Variants in NUMA1 observed in about 807,000 individuals in gnomAD.
The protein encoded by NUMA1 is nuclear mitotic apparatus protein 1, also known as SP-H antigen.
A neutral mutation model predicts 237.1 loss-of-function variants in NUMA1; 62 were observed. The observed-to-expected ratio is 0.26, with a 90% confidence interval of 0.21 to 0.32. The LOEUF is 0.32. Among genes scored for constraint, NUMA1 ranks in the 10% least tolerant of loss-of-function variants. The pLI, the probability that NUMA1 is intolerant of heterozygous loss-of-function variation, is 1.00. For missense variants in NUMA1, 2,533 were observed against 2,666.5 expected (o/e 0.95, Z 1.10); for synonymous variants, 1,028 against 1,066.1 (o/e 0.96, Z 0.70).
chr11:72,061,610 A>T (rs1187040439), intron 2 of NUMA1, among the ~76,000 whole-genome samples: 1 of 145,934 alleles, frequency 6.9e-6, no homozygotes, highest in Admixed American at 7.0e-5. Context: ...CCTTCCTCAG[A>T]CTCCTGAGTA....
At chr11:72,007,547 C>T (rs1470907815) in intron 20 of NUMA1, 112 bp from the exon 21 acceptor site, 3 of 1,318,092 alleles carry the variant, frequency 2.3e-6, no homozygotes, top group Non-Finnish European at 3.1e-6. Flanking sequence ...TGAGGTCAAG[C>T]AGCCCATCTC....
chr11:72,019,754 G>C (rs1304428285), intron 8 of NUMA1, 137 bp from the exon 9 acceptor site: 2 of 940,924 alleles, frequency 2.1e-6, no homozygotes, highest in Non-Finnish European at 3.0e-6. Context: ...ACCAAGGAAG[G>C]CACTGGGCAG....
rs750892814 is a variant in NUMA1 at position 72,018,932 on chromosome 11, G to C, written c.633C>G (p.Thr211=). Residue 211 remains threonine (T), a synonymous_variant, in exon 10 of 27, where the codon ACC becomes ACG. Coordinates refer to ENST00000393695, the MANE Select transcript of NUMA1 (RefSeq NM_006185.4). ...PASPMGDILQ[T]PQFQMRRLKK... ...TCAGCCGTCTCATCTGGAACTGTGG[G>C]GTCTGCAGGATATCACCCATGGGAG... 6.2e-7 allele frequency: 1 copy of C among 1,613,914 alleles called. No individual in the cohort carries two copies. Among genetic ancestry groups the C allele is most frequent in the Admixed American group, 1.7e-5 (1 of 59,990 alleles).
At position 72,007,425 on chromosome 11, in the gene NUMA1, G is replaced by T; in HGVS notation, c.5227C>A (p.Arg1743Ser). ...TPLSITSKLP[R>S]TQPDGTSVPG... ...ACGCTGGTGCCGTCTGGCTGGGTAC[G>T]AGGCAGCTTGCTATGGAAAGGAAAC... is the stretch of plus-strand genomic sequence containing the variant. The change falls in exon 21 of 27, where the codon CGT becomes AGT. Residue 1743 changes from arginine to serine, a missense_variant. Physicochemically the swap from Arg to Ser is moderately radical, Grantham distance 110. This residue lies in a region of NUMA1 where 795 missense variants were observed against 750.8 expected (regional missense o/e 1.06). Coordinates refer to ENST00000393695, the MANE Select transcript of NUMA1 (RefSeq NM_006185.4). 6.2e-7 allele frequency: 1 copy of T among 1,613,454 alleles called. No individual in the cohort carries two copies. The highest frequency in any genetic ancestry group is 1.1e-5 in the South Asian group (1 of 91,056).
In NUMA1 at chr11:72,013,725, C is replaced by G. The variant is rs1244874487; in HGVS notation, c.3778G>C (p.Glu1260Gln). 1 of 1,609,816 alleles carries G rather than the reference C, an allele frequency of 6.2e-7. No homozygotes were observed. Among genetic ancestry groups the G allele is most frequent in the South Asian group, 1.1e-5 (1 of 91,084 alleles). ...ELKRLVMAES[E>Q]KSQKLEERLR... ...CTCTCCTCCAGCTTCTGGCTCTTCT[C>G]TGACTCGGCCATCACCAGCCGCTTC... The change falls in exon 15 of 27, where the codon GAG becomes CAG. Residue 1260 changes from glutamate (E) to glutamine (Q), a missense_variant. Coordinates refer to ENST00000393695, the MANE Select transcript of NUMA1 (RefSeq NM_006185.4). The surrounding 1 kb of genome is among the most constrained non-coding windows in gnomAD (Gnocchi z 6.8).
chr11:72,031,315 A>G (rs568223985), intron 3 of NUMA1, among the ~76,000 whole-genome samples: 4 of 152,230 alleles, frequency 2.6e-5, no homozygotes, highest in South Asian at 4.1e-4. Flanking sequence ...AAGAAAAAAG[A>G]AAAACTAATA....
At chr11:72,011,178 C>T (rs956685379) in intron 16 of NUMA1, among the ~76,000 whole-genome samples, 1 of 152,306 alleles carries the variant, frequency 6.6e-6, no homozygotes, top group South Asian at 2.1e-4. Flanking sequence ...ACCTCACCAC[C>T]ACCTTGCTGC....
At chr11:72,057,738 C>G (rs1942735312) in intron 2 of NUMA1, among the ~76,000 whole-genome samples, 1 of 139,876 alleles carries the variant, frequency 7.1e-6, no homozygotes, top group South Asian at 2.3e-4. Context: ...AGCGAGACAC[C>G]GTCTCAAAAA....
intron 5 of NUMA1, 97 bp from the exon 6 acceptor site, chr11:72,023,244 T>C: frequency 1.1e-6 from 1 of 876,188 alleles, no homozygotes; most frequent in Non-Finnish European, 1.9e-6. Flanking sequence ...TGGCTATCTC[T>C]GGTGGGGCTA....
intron 20 of NUMA1, chr11:72,007,804 C>T (rs1393404787): frequency 8.2e-6 from 3 of 365,868 alleles, no homozygotes; most frequent in African/African-American, 2.1e-5. Flanking sequence ...AAGCCATGAA[C>T]GTGGGCATAA....
chr11:72,013,880 T>C lies in NUMA1; in HGVS notation c.3623A>G (p.Glu1208Gly). ...KVQDHSKAED[E>G]WKAQVARGRQ... is the part of the protein sequence containing the mutation. ...GCCCCGGGCCACCTGGGCCTTCCAC[T>C]CATCTTCAGCCTTGCTGTGGTCTTG... The change falls in exon 15 of 27, where the codon GAG (glutamate) becomes GGG (glycine). Residue 1208 changes from glutamate to glycine, a missense_variant. Physicochemically the swap from Glu to Gly is moderately conservative, Grantham distance 98. Coordinates refer to ENST00000393695, the MANE Select transcript of NUMA1 (RefSeq NM_006185.4). The surrounding 1 kb of genome is among the most constrained non-coding windows in gnomAD (Gnocchi z 6.8). 6.2e-7 allele frequency: 1 copy of C among 1,613,892 alleles called. No homozygotes were observed. Among genetic ancestry groups the C allele is most frequent in the Non-Finnish European group, 8.5e-7 (1 of 1,180,022 alleles).
Position 72,010,839 on chromosome 11 carries a change from T to C in NUMA1, c.4666A>G (p.Lys1556Glu). 1 of 1,613,990 alleles carries C rather than the reference T, an allele frequency of 6.2e-7. No individual in the cohort carries two copies. The highest frequency in any genetic ancestry group is 2.2e-5 in the East Asian group (1 of 44,884). ...EQTKQVEELSKKLADSDQASK... is the reference protein window; with the variant it reads ...EQTKQVEELSEKLADSDQASK... ...GCTTGGTCAGAGTCAGCCAGTTTCT[T>C]ACTCAGTTCTTCCACCTGGGGAGGG... The change falls in exon 17 of 27, where the codon AAG (lysine) becomes GAG (glutamate). Residue 1556 changes from lysine to glutamate, a missense_variant. By Grantham distance (56) the Lys-to-Glu change is moderately conservative. Transcript: ENST00000393695.
At chr11:72,064,989 G>A (rs530930924) in intron 2 of NUMA1, among the ~76,000 whole-genome samples, 34 of 152,252 alleles carry the variant, frequency 2.2e-4, no homozygotes, top group African/African-American at 6.3e-4. Context: ...GTATGTATAC[G>A]TGTAAGGAAG....
intron 2 of NUMA1, among the ~76,000 whole-genome samples, chr11:72,036,906 C>T (rs748354222): frequency 8.5e-5 from 13 of 152,198 alleles, no homozygotes; most frequent in Non-Finnish European, 1.5e-4. Flanking sequence ...GCCCTGCCCC[C>T]ATCTCCTGCC....
Position 72,009,340 on chromosome 11 carries a change from G to C in NUMA1, c.4767C>G (p.Leu1589=), listed in dbSNP as rs1216028279. The change falls in exon 18 of 27, where the codon CTC becomes CTG. Residue 1589 remains leucine (L), a synonymous_variant. Coordinates refer to ENST00000393695, the MANE Select transcript of NUMA1 (RefSeq NM_006185.4). ...GGESQQEAQR[L]QAQLNELQAQ... ...CTTGCAGTTCATTCAGCTGGGCCTG[G>C]AGGCGCTGGGCCTCCTGCTGGCTCT... 1 of 1,612,822 alleles carries C rather than the reference G, an allele frequency of 6.2e-7. No individual in the cohort carries two copies. The highest frequency in any genetic ancestry group is 1.1e-5 in the South Asian group (1 of 91,050).
In NUMA1 at chr11:72,015,071, GCTA is replaced by G; in HGVS notation, c.2429_2431del (p.Val810del). On this transcript the variant is annotated inframe_deletion, in exon 15 of 27. Transcript: ENST00000393695. This position sits in a 1 kb window ranked among gnomAD's most constrained non-coding sequence, Gnocchi z 4.0. ...ATCCTCATACCGCTCACGCCAGGCA[GCTA>G]CTTCTTTGACGAGCTGCTCACACTC... The G allele has an allele frequency of 6.2e-7, 1 of 1,614,078 alleles. No individual in the cohort carries two copies. Among genetic ancestry groups the G allele is most frequent in the South Asian group, 1.1e-5 (1 of 91,090 alleles).
At chr11:72,036,266 T>C (rs532832857) in intron 2 of NUMA1, among the ~76,000 whole-genome samples, 124 of 152,378 alleles carry the variant, frequency 8.1e-4, no homozygotes, top group African/African-American at 2.8e-3. Context: ...CCCTACTCTT[T>C]GGGACATGAT....
At chr11:72,066,956 G>C (rs1415619051) in intron 2 of NUMA1, 1 of 152,298 alleles carries the variant, frequency 6.6e-6, no homozygotes, top group East Asian at 1.9e-4. Flanking sequence ...CCCTCTAATT[G>C]CAAGTTATAC....
intron 1 of NUMA1, among the ~76,000 whole-genome samples, chr11:72,077,046 G>A (rs1284791338): frequency 1.3e-5 from 2 of 152,100 alleles, no homozygotes; most frequent in Admixed American, 6.5e-5. Context: ...CCTAGCTGAA[G>A]AGTAAACTAG....
Sources: allele counts gnomAD v4.1 joint callset (sites outside exome capture counted in the v4.1 genomes callset), GRCh38; gene constraint gnomAD v4.1.1; regional missense constraint gnomAD v4.1.1; non-coding constraint Gnocchi (gnomAD v3.1); transcripts MANE v1.5; gene names NCBI Gene and HGNC (gene_info 2026-07-23, HGNC 2026-07-21).